RNF111: variants seen among roughly 807,000 people sequenced by gnomAD.
RNF111 encodes the protein E3 ubiquitin-protein ligase Arkadia.
Under a neutral mutation model 95.1 loss-of-function variants are expected in RNF111, and 17 were observed. The observed-to-expected ratio is 0.18, with a 90% CI of 0.12 to 0.27. RNF111 has a LOEUF of 0.27. Ranked by LOEUF, RNF111 falls within the 10% of genes least tolerant of loss-of-function variation. RNF111 has a pLI of 1.00. For missense variants in RNF111, 1,189 were observed against 1,210.4 expected (o/e 0.98, Z 0.26); for synonymous variants, 440 against 414.8 (o/e 1.06, Z -0.74).
In RNF111 at chr15:59,096,236, T is replaced by C. The variant is rs763458060; in HGVS notation, c.*1336T>C. The C allele has an allele frequency of 1.2e-4, 49 of 394,626 alleles. No homozygotes were observed. Among genetic ancestry groups the C allele is most frequent in the Admixed American group, 2.2e-4 (5 of 22,654 alleles). The allele number at this position is 394,626 out of a possible 1,614,324, so 24.4% of individuals were successfully genotyped here. On this transcript the variant is annotated 3_prime_UTR_variant, in exon 14 of 14. Coordinates refer to ENST00000348370, the MANE Select transcript of RNF111 (RefSeq NM_017610.8). Reference sequence around the variant, plus strand: ...ATATTATTATCAAGATACTTTCATATACAGGATAGCCTAATTTTATTTGTT... The same window carrying C: ...ATATTATTATCAAGATACTTTCATACACAGGATAGCCTAATTTTATTTGTT...
Position 59,016,414 on chromosome 15 carries a change from C to A in RNF111, c.-19-14390C>A, listed in dbSNP as rs140585316. ...TGATCTCTTGACTTCGTGATCTGCC[C>A]ACTTTGGCCTAATTATTTATATTCT... On this transcript the variant is annotated intron_variant, in intron 1 of 13. Coordinates refer to ENST00000348370, the MANE Select transcript of RNF111 (RefSeq NM_017610.8). Among the ~76,000 whole-genome samples the A allele has an allele frequency of 5.9e-5, 9 of 152,198 alleles. No homozygotes were observed. In the East Asian group the frequency reaches 1.5e-3, roughly 26 times the overall value.
intron 6 of RNF111, among the ~76,000 whole-genome samples, chr15:59,070,764 C>T (rs1002236002): frequency 6.6e-6 from 1 of 152,100 alleles, no homozygotes; most frequent in African/African-American, 2.4e-5. Context: ...CTATTATTCC[C>T]CCTAAACCTA....
chr15:59,060,817 T>TTG (rs2042404452), intron 5 of RNF111, among the ~76,000 whole-genome samples: 1 of 151,882 alleles, frequency 6.6e-6, no homozygotes, highest in South Asian at 2.1e-4. Flanking sequence ...ATTTTTTTTT[T>TTG]TGTGAGACAG....
intron 5 of RNF111, among the ~76,000 whole-genome samples, chr15:59,060,217 A>G (rs1233501496): frequency 1.3e-5 from 2 of 152,108 alleles, no homozygotes; most frequent in African/African-American, 4.8e-5. Flanking sequence ...GCAGAAATGA[A>G]ATGGGCTTTT....
chr15:59,032,787 A>G (rs1647423644), intron 2 of RNF111, among the ~76,000 whole-genome samples: 1 of 152,100 alleles, frequency 6.6e-6, no homozygotes, highest in African/African-American at 2.4e-5. Flanking sequence ...GGACCCAGAG[A>G]CTTTTAGTCT....
chr15:59,000,150 A>AT lies in RNF111; in HGVS notation c.-20+12092dup, dbSNP rs796904119. ...AAAAGCTTTTTCAGATCTTCCAGTGATTTTTTTTTTCCCTTTTTTTTTTTT... is the reference window on the plus strand; with the variant it reads ...AAAAGCTTTTTCAGATCTTCCAGTGATTTTTTTTTTTCCCTTTTTTTTTTTT... On this transcript the variant is annotated intron_variant, in intron 1 of 13. Transcript: ENST00000348370. 3.7e-3 allele frequency among the ~76,000 whole-genome samples: 505 copies of AT among 136,778 alleles called. 5 individuals are homozygous for AT. The highest frequency in any genetic ancestry group is 0.01 in the African/African-American group (375 of 36,316). 89.7% of individuals were successfully genotyped at this position (136,778 alleles called of 152,430 possible).
At chr15:59,065,555 C>T (rs961434890) in intron 5 of RNF111, among the ~76,000 whole-genome samples, 1 of 152,088 alleles carries the variant, frequency 6.6e-6, no homozygotes, top group Non-Finnish European at 1.5e-5. Context: ...AAGAAAGGTC[C>T]CAGATTAGAA....
intron 7 of RNF111, among the ~76,000 whole-genome samples, chr15:59,078,978 CA>C (rs1217076831): frequency 1.3e-5 from 2 of 151,988 alleles, no homozygotes; most frequent in Non-Finnish European, 2.9e-5. Flanking sequence ...TGGAATAAAG[CA>C]TAGTATTACA....
chr15:59,018,124 GAAGA>G (rs1567214700), intron 1 of RNF111, among the ~76,000 whole-genome samples: 1 of 152,114 alleles, frequency 6.6e-6, no homozygotes, highest in East Asian at 1.9e-4. Flanking sequence ...CACTTTTAAT[GAAGA>G]AAGATTTTGT....
chr15:59,053,721 G>A (rs1385326404), intron 3 of RNF111, among the ~76,000 whole-genome samples: 2 of 152,068 alleles, frequency 1.3e-5, no homozygotes, highest in Admixed American at 1.3e-4. Flanking sequence ...GAGCTGTAAG[G>A]ACTACTGAAA....
At chr15:59,073,328 C>G (rs886594357) in intron 6 of RNF111, among the ~76,000 whole-genome samples, 7 of 151,774 alleles carry the variant, frequency 4.6e-5, no homozygotes, top group Admixed American at 6.6e-5. Flanking sequence ...TACAAAAATA[C>G]AAAAATTAGG....
intron 1 of RNF111, among the ~76,000 whole-genome samples, chr15:59,006,894 C>T (rs2039565653): frequency 6.6e-6 from 1 of 152,140 alleles, no homozygotes; most frequent in African/African-American, 2.4e-5. Flanking sequence ...TCAAGCAGTT[C>T]TCTGCCTCAG....
chr15:59,078,281 C>T (rs566051741), intron 7 of RNF111, among the ~76,000 whole-genome samples: 2 of 152,254 alleles, frequency 1.3e-5, no homozygotes, highest in Admixed American at 1.3e-4. Flanking sequence ...ATGTCTCTCT[C>T]TGCTTTTGAA....
At chr15:59,092,997 GTC>G (rs1330935457) in intron 13 of RNF111, among the ~76,000 whole-genome samples, 1 of 152,038 alleles carries the variant, frequency 6.6e-6, no homozygotes, top group Non-Finnish European at 1.5e-5. Context: ...GTGAGACCCT[GTC>G]TCTGAAAAAA....
intron 7 of RNF111, 24 bp downstream of exon 7, chr15:59,076,239 A>G (rs1596285767): frequency 3.1e-6 from 5 of 1,601,862 alleles, no homozygotes; most frequent in Non-Finnish European, 4.3e-6. Flanking sequence ...TAGTGGACAC[A>G]AAATCTAGAG....
chr15:59,088,752 G>A (rs1179335597), intron 10 of RNF111, among the ~76,000 whole-genome samples: 2 of 152,086 alleles, frequency 1.3e-5, no homozygotes, highest in Non-Finnish European at 2.9e-5. Context: ...TTTTTTATGT[G>A]TGTTTCTGCT....
In RNF111 at chr15:58,987,819, T is replaced by C. The variant is rs2038632467; in HGVS notation, c.-269T>C. ...ACGCCCGCAGCTTCAGAGAAGGAGT[T>C]CTTGTGGGACCAAATTAGGCATTCT... On this transcript the variant is annotated 5_prime_UTR_variant, in exon 1 of 14. Transcript: ENST00000348370. The C allele has an allele frequency of 6.4e-6, 1 of 155,664 alleles. No homozygotes were observed. The highest frequency in any genetic ancestry group is 1.4e-5 in the Non-Finnish European group (1 of 69,798). The allele number at this position is 155,664 out of a possible 1,614,324, so 9.6% of individuals were successfully genotyped here.
chr15:59,095,863 G>A lies in RNF111; in HGVS notation c.*963G>A, dbSNP rs1263452451. 3 of 395,928 alleles carry A rather than the reference G, an allele frequency of 7.6e-6. No homozygotes were observed. 24.5% of individuals were successfully genotyped at this position (395,928 alleles called of 1,614,324 possible). On this transcript the variant is annotated 3_prime_UTR_variant, in exon 14 of 14. Coordinates refer to ENST00000348370, the MANE Select transcript of RNF111 (RefSeq NM_017610.8). ...GTCAAGATTTGGAATTTAAGTCACT[G>A]GCAGGTATCTGTGCATTCATAGAAC... is the stretch of plus-strand genomic sequence containing the variant.
intron 5 of RNF111, 98 bp from the exon 6 acceptor site, chr15:59,066,666 C>A: frequency 1.0e-6 from 1 of 969,006 alleles, no homozygotes; most frequent in Non-Finnish European, 1.5e-6. Flanking sequence ...AATTACCGAA[C>A]ATTTCTTTAA....
Sources: allele counts gnomAD v4.1 joint callset (sites outside exome capture counted in the v4.1 genomes callset), GRCh38; gene constraint gnomAD v4.1.1; transcripts MANE v1.5; gene names NCBI Gene and HGNC (gene_info 2026-07-23, HGNC 2026-07-21).